The following RGS5 variants were observed in gnomAD, a reference collection of about 807,000 sequenced individuals.
RGS5 encodes regulator of G-protein signalling 5.
In RGS5, 20 loss-of-function variants were observed where a neutral mutation model predicts 18.9. That is an observed-to-expected ratio of 1.06 (90% CI 0.74 to 1.54). The LOEUF is 1.54. Ranked by LOEUF, RGS5 falls within the 40% of genes most tolerant of loss-of-function variation. RGS5 has a pLI of 0.00. For missense variants in RGS5, 201 were observed against 211.8 expected (o/e 0.95, Z 0.32); for synonymous variants, 57 against 76.2 (o/e 0.75, Z 1.31).
chr1:163,282,429 C>T (rs189061183), intron 2 of RGS5, among the ~76,000 whole-genome samples: 76 of 152,172 alleles, frequency 5.0e-4, no homozygotes, highest in Admixed American at 4.9e-3. Flanking sequence ...CAAAAATATG[C>T]CAGATGTGGT....
intron 2 of RGS5, among the ~76,000 whole-genome samples, chr1:163,165,722 A>G (rs1658012094): frequency 6.6e-6 from 1 of 152,170 alleles, no homozygotes; most frequent in African/African-American, 2.4e-5. Context: ...CCTGACCAAC[A>G]TGGAGAAACC....
intron 1 of RGS5, among the ~76,000 whole-genome samples, chr1:163,209,328 T>C (rs1319955765): frequency 1.3e-5 from 2 of 152,154 alleles, no homozygotes; most frequent in African/African-American, 4.8e-5. Context: ...TTATGCGAGA[T>C]TGGTAGTGTT....
chr1:163,308,750 A>ACAGG (rs1649773473), intron 1 of RGS5: 1 of 152,210 alleles, frequency 6.6e-6, no homozygotes, highest in Non-Finnish European at 1.5e-5. Flanking sequence ...ATAAAATAGT[A>ACAGG]CATAATTATG....
chr1:163,195,425 G>A (rs535427145), intron 1 of RGS5, among the ~76,000 whole-genome samples: 1 of 151,618 alleles, frequency 6.6e-6, no homozygotes, highest in African/African-American at 2.4e-5. Context: ...GAATCAGGGG[G>A]CAAGGGTGAA....
intron 2 of RGS5, among the ~76,000 whole-genome samples, chr1:163,257,833 G>A (rs753085781): frequency 2.0e-5 from 3 of 152,158 alleles, no homozygotes; most frequent in Non-Finnish European, 2.9e-5. Context: ...TCCCTAGGGT[G>A]CTAGATAATA....
intron 2 of RGS5, among the ~76,000 whole-genome samples, chr1:163,251,762 T>C (rs1648112914): frequency 6.6e-6 from 1 of 152,204 alleles, no homozygotes; most frequent in Non-Finnish European, 1.5e-5. Flanking sequence ...GAATCATACA[T>C]ACAATCATGT....
chr1:163,152,357 G>C (rs538738398), intron 4 of RGS5, 193 bp downstream of exon 4: 2 of 471,884 alleles, frequency 4.2e-6, no homozygotes, highest in Non-Finnish European at 7.4e-6. Flanking sequence ...ACTAGAAAGC[G>C]GTCTGAACAG....
chr1:163,317,433 A>C (rs1227815162), intron 1 of RGS5, among the ~76,000 whole-genome samples: 1 of 152,122 alleles, frequency 6.6e-6, no homozygotes, highest in Non-Finnish European at 1.5e-5. Flanking sequence ...CTACTTCCTA[A>C]AATTCTTCTG....
At chr1:163,219,136 AC>A (rs1660279692), upstream of RGS5, among the ~76,000 whole-genome samples, 1 of 152,080 alleles carries the variant, frequency 6.6e-6, no homozygotes. Context: ...GTAAATGCAT[AC>A]AAAAAAGTAT....
At chr1:163,194,886 G>A (rs892426925) in intron 1 of RGS5, among the ~76,000 whole-genome samples, 6 of 152,018 alleles carry the variant, frequency 3.9e-5, no homozygotes, top group African/African-American at 1.4e-4. Flanking sequence ...GTAAAGACTT[G>A]ATATGTTTTG....
At chr1:163,307,912 AAAT>A (rs1276563928) in intron 1 of RGS5, among the ~76,000 whole-genome samples, 1 of 152,238 alleles carries the variant, frequency 6.6e-6, no homozygotes, top group Non-Finnish European at 1.5e-5. Context: ...CTTATCCAGA[AAAT>A]AATGAGCAGT....
At chr1:163,235,207 C>A (rs1647591754) in intron 2 of RGS5, among the ~76,000 whole-genome samples, 2 of 152,196 alleles carry the variant, frequency 1.3e-5, no homozygotes, top group Admixed American at 1.3e-4. Flanking sequence ...GCTTAAAATT[C>A]TTGATCTCAT....
chr1:163,147,847 G>T (rs1657202680), intron 4 of RGS5, among the ~76,000 whole-genome samples: 2 of 150,722 alleles, frequency 1.3e-5, no homozygotes, highest in South Asian at 4.2e-4. Flanking sequence ...CAAGATCACA[G>T]AACTGATAAG....
intron 2 of RGS5, among the ~76,000 whole-genome samples, chr1:163,247,439 A>G (rs1647972493): frequency 6.6e-6 from 1 of 152,062 alleles, no homozygotes; most frequent in Non-Finnish European, 1.5e-5. Flanking sequence ...TATAATATGT[A>G]ATCAGCAACT....
chr1:163,240,151 G>A (rs1183423012), intron 2 of RGS5, among the ~76,000 whole-genome samples: 1 of 151,562 alleles, frequency 6.6e-6, no homozygotes, highest in East Asian at 1.9e-4. Context: ...TATCAACACA[G>A]TGAGTTATAT....
rs145403925 is a variant in RGS5, at chr1:163,269,843, T to A, written c.-281+36390A>T. On this transcript the variant is annotated intron_variant, in intron 2 of 5. Coordinates refer to the RGS5 transcript ENST00000618415. ...ATTGAATTGACTGTCTTTTCTAGAA[T>A]GATCTCTTTCCCTCAATAAATTGAA... Among the ~76,000 whole-genome samples the A allele has an allele frequency of 4.3e-4, 65 of 152,312 alleles. No homozygotes were observed. In the East Asian group the frequency reaches 0.012, roughly 27 times the overall value.
chr1:163,148,759 C>T (rs1657258027), intron 4 of RGS5, among the ~76,000 whole-genome samples: 1 of 152,110 alleles, frequency 6.6e-6, no homozygotes, highest in African/African-American at 2.4e-5. Flanking sequence ...CAAGGTACAG[C>T]CTATTTGAAC....
intron 2 of RGS5, among the ~76,000 whole-genome samples, chr1:163,232,096 T>A (rs953679185): frequency 6.6e-6 from 1 of 151,680 alleles, no homozygotes; most frequent in Admixed American, 6.6e-5. Context: ...TTTGTTTTCT[T>A]GTGAAATGCA....
At chr1:163,206,294 A>C (rs1174021487), upstream of RGS5, among the ~76,000 whole-genome samples, 1 of 151,970 alleles carries the variant, frequency 6.6e-6, no homozygotes, top group African/African-American at 2.4e-5. Context: ...CTTATAAAGT[A>C]CCCAGTCTCA....
Sources: allele counts gnomAD v4.1 joint callset (sites outside exome capture counted in the v4.1 genomes callset), GRCh38; gene constraint gnomAD v4.1.1; transcripts MANE v1.5; gene names NCBI Gene and HGNC (gene_info 2026-07-23, HGNC 2026-07-21).